The following NCALD variants were observed in gnomAD, a reference collection of about 807,000 sequenced individuals.
NCALD encodes neurocalcin delta.
NCALD carries 10 observed loss-of-function variants against 18.6 expected under a neutral mutation model. The ratio of observed to expected loss-of-function variants is 0.54; its 90% CI spans 0.33 to 0.91. The LOEUF is 0.91. Ranked by LOEUF, NCALD falls within the 40% of genes least tolerant of loss-of-function variation. The probability of loss-of-function intolerance (pLI) is 0.03; values close to 1 mark genes in which losing one functional copy is unlikely to be tolerated. For synonymous variants in NCALD, 88 were observed against 87.4 expected, an observed-to-expected ratio of 1.01 and a Z score of -0.04; for missense variants, 184 against 247.6, an observed-to-expected ratio of 0.74 and a Z score of 1.72.
upstream of NCALD, among the ~76,000 whole-genome samples, chr8:101,793,437 C>T (rs1189569548): frequency 6.6e-6 from 1 of 151,812 alleles, no homozygotes; most frequent in South Asian, 2.1e-4. Context: ...ATGCTTCAAC[C>T]AGAAACTGAA....
intron 1 of NCALD, among the ~76,000 whole-genome samples, chr8:102,080,972 C>T (rs1479423646): frequency 6.6e-6 from 1 of 152,084 alleles, no homozygotes; most frequent in Non-Finnish European, 1.5e-5. Context: ...GGGGTTTTTT[C>T]CCCCAAAGTG....
chr8:101,697,843 G>A (rs1227606183), intron 2 of NCALD, among the ~76,000 whole-genome samples: 1 of 152,140 alleles, frequency 6.6e-6, no homozygotes, highest in Admixed American at 6.5e-5. Flanking sequence ...CATACTGAAT[G>A]GGCAAAAGCT....
chr8:101,797,456 A>G (rs551192984), intron 4 of NCALD, among the ~76,000 whole-genome samples: 1 of 152,330 alleles, frequency 6.6e-6, no homozygotes, highest in East Asian at 1.9e-4. Context: ...ATGAAATAAT[A>G]AACTTTGAAA....
intron 4 of NCALD, among the ~76,000 whole-genome samples, chr8:101,849,934 T>C (rs1397663808): frequency 1.3e-5 from 2 of 152,228 alleles, no homozygotes; most frequent in East Asian, 1.9e-4. Context: ...GAAGTTCTTC[T>C]ACATTCAATA....
chr8:102,116,755 G>T (rs1825802156), intron 1 of NCALD, among the ~76,000 whole-genome samples: 1 of 152,024 alleles, frequency 6.6e-6, no homozygotes, highest in African/African-American at 2.4e-5. Flanking sequence ...CAATCCTCCT[G>T]CCTCGACCTC....
chr8:101,863,980 A>C (rs1238534363), intron 4 of NCALD, among the ~76,000 whole-genome samples: 1 of 152,176 alleles, frequency 6.6e-6, no homozygotes, highest in Non-Finnish European at 1.5e-5. Context: ...CCTGGGCATT[A>C]GAGATTTTTT....
chr8:101,905,718 C>A (rs1342741250), intron 3 of NCALD, among the ~76,000 whole-genome samples: 1 of 152,180 alleles, frequency 6.6e-6, no homozygotes, highest in Admixed American at 6.5e-5. Flanking sequence ...TGGTTAAAGT[C>A]GAAGCTCCCT....
intron 2 of NCALD, among the ~76,000 whole-genome samples, chr8:101,962,283 G>A (rs918694962): frequency 3.3e-5 from 5 of 152,148 alleles, no homozygotes; most frequent in South Asian, 2.1e-4. Context: ...CTCCAGTTGC[G>A]AGTCTGTAAT....
rs553977319 is a variant in NCALD, at chr8:101,890,827, G to A, written c.-106-3600C>T. Among the ~76,000 whole-genome samples the A allele has an allele frequency of 2.6e-5, 4 of 152,308 alleles. No homozygotes were observed. In the South Asian group the frequency reaches 8.3e-4, roughly 32 times the overall value. The stretch of plus-strand genomic sequence containing the variant: ...GACTGAGACATCCAGAGAAACTCTT[G>A]CACACTTTCCCAGAAGACATGCACA... On this transcript the variant is annotated intron_variant, in intron 3 of 6. Transcript: ENST00000311028.
At chr8:102,098,298 C>A (rs917145004) in intron 1 of NCALD, among the ~76,000 whole-genome samples, 12 of 152,100 alleles carry the variant, frequency 7.9e-5, no homozygotes, top group African/African-American at 2.2e-4. Context: ...GATGAGAGAG[C>A]AATTGGGGTA....
At chr8:102,042,082 A>G (rs1433364330) in intron 1 of NCALD, among the ~76,000 whole-genome samples, 1 of 151,956 alleles carries the variant, frequency 6.6e-6, no homozygotes, top group African/African-American at 2.4e-5. Flanking sequence ...TAGGCCTAAC[A>G]GTACACACAG....
At chr8:101,923,790 T>G (rs1452277441) in intron 2 of NCALD, among the ~76,000 whole-genome samples, 1 of 152,244 alleles carries the variant, frequency 6.6e-6, no homozygotes, top group Non-Finnish European at 1.5e-5. Context: ...TTAAAGGTAT[T>G]GACTAGCATC....
chr8:102,037,410 T>G (rs1419965702), intron 1 of NCALD, among the ~76,000 whole-genome samples: 4 of 152,084 alleles, frequency 2.6e-5, no homozygotes, highest in Non-Finnish European at 5.9e-5. Context: ...TAAGAACATG[T>G]TAAAAATCTC....
intron 4 of NCALD, chr8:101,872,350 T>A: frequency 6.5e-7 from 1 of 1,528,534 alleles, no homozygotes; most frequent in East Asian, 2.3e-5. Flanking sequence ...AGCATGTTCA[T>A]CCTCCTCATT....
At chr8:101,980,056 G>A (rs1338279861) in intron 2 of NCALD, among the ~76,000 whole-genome samples, 2 of 152,156 alleles carry the variant, frequency 1.3e-5, no homozygotes, top group Non-Finnish European at 2.9e-5. Context: ...GCCAAAATGG[G>A]GGTGGGGGCA....
intron 1 of NCALD, among the ~76,000 whole-genome samples, chr8:102,027,431 T>C (rs1011676616): frequency 1.2e-4 from 19 of 152,224 alleles, no homozygotes; most frequent in Admixed American, 5.9e-4. Context: ...GAATGACCTT[T>C]ACTTCAGTTC....
intron 4 of NCALD, among the ~76,000 whole-genome samples, chr8:101,859,746 A>T (rs1207901975): frequency 6.6e-6 from 1 of 152,216 alleles, no homozygotes; most frequent in African/African-American, 2.4e-5. Flanking sequence ...GTAGTGCATT[A>T]AACCAAGATG....
intron 1 of NCALD, among the ~76,000 whole-genome samples, chr8:102,085,062 T>C (rs531553073): frequency 6.6e-6 from 1 of 152,296 alleles, no homozygotes; most frequent in Admixed American, 6.5e-5. Flanking sequence ...CCCCCATTCC[T>C]GCAGGGTCTG....
At chr8:102,037,655 G>T (rs76751728) in intron 1 of NCALD, among the ~76,000 whole-genome samples, 8 of 98,946 alleles carry the variant, frequency 8.1e-5, no homozygotes, top group East Asian at 6.8e-4. Context: ...TTTTTTTTTT[G>T]ATTAACATAT....
Sources: allele counts gnomAD v4.1 joint callset (sites outside exome capture counted in the v4.1 genomes callset), GRCh38; gene constraint gnomAD v4.1.1; transcripts MANE v1.5; gene names NCBI Gene and HGNC (gene_info 2026-07-23, HGNC 2026-07-21).